MTHFD2L: variants seen among roughly 807,000 people sequenced by gnomAD.
The protein encoded by MTHFD2L is methylenetetrahydrofolate dehydrogenase (NADP+ dependent) 2 like, also known as bifunctional methylenetetrahydrofolate dehydrogenase/cyclohydrolase 2, mitochondrial.
In MTHFD2L, 29 loss-of-function variants were observed where a neutral mutation model predicts 34.9. The observed-to-expected ratio is 0.83, with a 90% CI of 0.62 to 1.13. MTHFD2L has a LOEUF of 1.13. Ranked by LOEUF, MTHFD2L falls within the 50% of genes most tolerant of loss-of-function variation. MTHFD2L has a pLI of 0.00. For missense variants in MTHFD2L, 481 were observed against 446.5 expected (o/e 1.08, Z -0.70); for synonymous variants, 167 against 155.7 (o/e 1.07, Z -0.54).
At chr4:74,151,601 G>T (rs1035198550) in intron 1 of MTHFD2L, among the ~76,000 whole-genome samples, 1 of 152,170 alleles carries the variant, frequency 6.6e-6, no homozygotes, top group African/African-American at 2.4e-5. Context: ...AGGGTTAAAA[G>T]AATAACTTCT....
chr4:74,265,560 C>T (rs900742690), intron 6 of MTHFD2L, among the ~76,000 whole-genome samples: 1 of 152,126 alleles, frequency 6.6e-6, no homozygotes, highest in Non-Finnish European at 1.5e-5. Context: ...CTACTATTAT[C>T]GCAATTATAC....
chr4:74,144,465 C>CA (rs1162964145), intron 1 of MTHFD2L, among the ~76,000 whole-genome samples: 2 of 152,014 alleles, frequency 1.3e-5, no homozygotes, highest in South Asian at 2.1e-4. Context: ...AACAAAAAAA[C>CA]AAAAAAACAA....
At chr4:74,119,949 C>A (rs150152567), upstream of MTHFD2L, among the ~76,000 whole-genome samples, 88 of 152,068 alleles carry the variant, frequency 5.8e-4, no homozygotes, top group East Asian at 0.016. Flanking sequence ...AAACCAAGCA[C>A]CCTGTGTTAA....
intron 1 of MTHFD2L, among the ~76,000 whole-genome samples, chr4:74,137,290 T>C (rs964620971): frequency 6.6e-6 from 1 of 152,048 alleles, no homozygotes; most frequent in Admixed American, 6.6e-5. Flanking sequence ...AACCTTAATT[T>C]AAAAATGGAC....
At chr4:74,138,732 C>T (rs1411918986) in intron 1 of MTHFD2L, among the ~76,000 whole-genome samples, 1 of 152,126 alleles carries the variant, frequency 6.6e-6, no homozygotes, top group Non-Finnish European at 1.5e-5. Context: ...GTGTAAGAAA[C>T]ATGGACCAGA....
intron 6 of MTHFD2L, among the ~76,000 whole-genome samples, chr4:74,229,685 C>T (rs951069859): frequency 6.6e-6 from 1 of 152,106 alleles, no homozygotes; most frequent in African/African-American, 2.4e-5. Context: ...ACTACTCCTA[C>T]TGGCTTATAT....
At chr4:74,226,010 CA>C (rs1246023380) in intron 6 of MTHFD2L, among the ~76,000 whole-genome samples, 11 of 151,456 alleles carry the variant, frequency 7.3e-5, no homozygotes, top group Admixed American at 7.2e-4. Context: ...TTTTTTTTAA[CA>C]TAAAGAAAAA....
intron 1 of MTHFD2L, among the ~76,000 whole-genome samples, chr4:74,152,739 C>T (rs549163405): frequency 9.7e-4 from 148 of 152,144 alleles, no homozygotes; most frequent in African/African-American, 3.2e-3. Context: ...GTGTTCTGAT[C>T]GTTCAACTCG....
chr4:74,218,661 T>C (rs58963533), intron 5 of MTHFD2L, among the ~76,000 whole-genome samples: 11,956 of 149,876 alleles, frequency 0.08, 698 homozygotes, highest in East Asian at 0.22. Flanking sequence ...TGAAGCACAT[T>C]GTGCTGTTTG....
chr4:74,224,860 C>T (rs890858205), intron 5 of MTHFD2L, among the ~76,000 whole-genome samples: 4 of 152,118 alleles, frequency 2.6e-5, no homozygotes, highest in African/African-American at 9.7e-5. Flanking sequence ...GGAATCCCTC[C>T]TAGACACCTT....
At chr4:74,228,231 T>C (rs189161675) in intron 6 of MTHFD2L, among the ~76,000 whole-genome samples, 3 of 152,342 alleles carry the variant, frequency 2.0e-5, no homozygotes, top group Admixed American at 2.0e-4. Flanking sequence ...AGTGAAATAC[T>C]GCTTCAGCCA....
chr4:74,154,676 G>A (rs1724139333), upstream of MTHFD2L, among the ~76,000 whole-genome samples: 1 of 152,040 alleles, frequency 6.6e-6, no homozygotes. Context: ...CGATGCTCTA[G>A]GATCATCTAA....
intron 6 of MTHFD2L, among the ~76,000 whole-genome samples, chr4:74,274,968 G>A (rs1356479262): frequency 6.6e-6 from 1 of 152,088 alleles, no homozygotes; most frequent in Admixed American, 6.6e-5. Context: ...TCTACTTTAA[G>A]TTCCAGGATA....
At chr4:74,127,005 G>A (rs1423546107) in intron 1 of MTHFD2L, among the ~76,000 whole-genome samples, 1 of 152,098 alleles carries the variant, frequency 6.6e-6, no homozygotes, top group Non-Finnish European at 1.5e-5. Flanking sequence ...GAGGTCTGAT[G>A]GTTTTACAAG....
At chr4:74,254,587 C>CA (rs11379406) in intron 6 of MTHFD2L, among the ~76,000 whole-genome samples, 96,416 of 142,814 alleles carry the variant, frequency 0.68, 33,425 homozygotes, top group Non-Finnish European at 0.76. Context: ...CCCCCACCTC[C>CA]AAAAAAAAAA....
intron 3 of MTHFD2L, among the ~76,000 whole-genome samples, chr4:74,199,181 T>C (rs1733982508): frequency 6.6e-6 from 1 of 152,270 alleles, no homozygotes; most frequent in South Asian, 2.1e-4. Context: ...ATTTGATTAC[T>C]TTATTACTCA....
chr4:74,264,768 T>C (rs148585107), intron 6 of MTHFD2L, among the ~76,000 whole-genome samples: 1,850 of 152,224 alleles, frequency 0.012, 42 homozygotes, highest in African/African-American at 0.043. Context: ...AGCGTTAATA[T>C]TAATGGATTT....
chr4:74,266,972 T>C (rs1355635059), intron 6 of MTHFD2L: 6 of 985,320 alleles, frequency 6.1e-6, no homozygotes, highest in Non-Finnish European at 6.0e-6. Context: ...TTGGACTAAT[T>C]GGTTTTTCAA....
chr4:74,195,270 T>C (rs1214511553), intron 3 of MTHFD2L: 1 of 152,206 alleles, frequency 6.6e-6, no homozygotes, highest in Non-Finnish European at 1.5e-5. Flanking sequence ...TTTAAGGTAA[T>C]AACATTGCAG....
Sources: allele counts gnomAD v4.1 joint callset (sites outside exome capture counted in the v4.1 genomes callset), GRCh38; gene constraint gnomAD v4.1.1; transcripts MANE v1.5; gene names NCBI Gene and HGNC (gene_info 2026-07-23, HGNC 2026-07-21).